The following C8orf34 variants were observed in gnomAD, a reference collection of about 807,000 sequenced individuals.
C8orf34 encodes uncharacterized protein C8orf34.
Under a neutral mutation model 68.3 loss-of-function variants are expected in C8orf34, and 65 were observed. The ratio of observed to expected loss-of-function variants is 0.95; its 90% CI spans 0.78 to 1.17. The LOEUF is 1.17. Among genes scored for constraint, C8orf34 ranks in the 50% most tolerant of loss-of-function variants. The pLI, the probability that C8orf34 is intolerant of heterozygous loss-of-function variation, is 0.00. For missense variants in C8orf34, 664 were observed against 655.4 expected, an observed-to-expected ratio of 1.01 and a Z score of -0.14; for synonymous variants, 244 against 241.2, an observed-to-expected ratio of 1.01 and a Z score of -0.11.
At chr8:68,424,069 T>G (rs1306401057) in intron 1 of C8orf34, among the ~76,000 whole-genome samples, 1 of 151,870 alleles carries the variant, frequency 6.6e-6, no homozygotes, top group African/African-American at 2.4e-5. Flanking sequence ...TGCCCCTGCC[T>G]TCCATGAAAT....
At chr8:68,351,223 A>T (rs963574815) in intron 1 of C8orf34, among the ~76,000 whole-genome samples, 11 of 151,998 alleles carry the variant, frequency 7.2e-5, no homozygotes, top group Admixed American at 1.3e-4. Flanking sequence ...TAAAAACCTT[A>T]GTTTGGCTGG....
At chr8:68,678,377 ATCAT>A (rs1327936977) in intron 8 of C8orf34, among the ~76,000 whole-genome samples, 1 of 152,310 alleles carries the variant, frequency 6.6e-6, no homozygotes, top group East Asian at 1.9e-4. Context: ...CATTAGAAAG[ATCAT>A]TCATCACAAT....
chr8:68,709,210 C>T lies in C8orf34; in HGVS notation c.1327+131C>T, dbSNP rs182081318. ...CTGCAGCTGCACGTCACATATCTAC[C>T]GCTGGCACACTCCTTGGGGCTGTTT... is the stretch of plus-strand genomic sequence containing the variant. On this transcript the variant is annotated intron_variant, in intron 9 of 13. Coordinates refer to ENST00000518698, the MANE Select transcript of C8orf34 (RefSeq NM_052958.4). 2.7e-4 allele frequency: 184 copies of T among 678,140 alleles called. 1 individual carries two copies. The highest frequency in any genetic ancestry group is 2.2e-3 in the Admixed American group (88 of 39,584). The allele number at this position is 678,140 out of a possible 1,614,324, so 42.0% of individuals were successfully genotyped here.
chr8:68,521,738 C>A, intron 5 of C8orf34, 61 bp from the exon 6 acceptor site: 1 of 1,433,656 alleles, frequency 7.0e-7, no homozygotes, highest in Non-Finnish European at 9.4e-7. Flanking sequence ...ACTTTATTTC[C>A]CTGTTGTCCT....
intron 7 of C8orf34, among the ~76,000 whole-genome samples, chr8:68,621,340 G>A (rs1818383451): frequency 6.6e-6 from 1 of 152,176 alleles, no homozygotes; most frequent in Admixed American, 6.5e-5. Context: ...TTGGATCAGA[G>A]ACTCACAAAC....
chr8:68,652,790 T>C (rs2130783486), intron 8 of C8orf34, among the ~76,000 whole-genome samples: 1 of 152,290 alleles, frequency 6.6e-6, no homozygotes, highest in Non-Finnish European at 1.5e-5. Context: ...GAATTAGACA[T>C]TTCTCCAAGG....
chr8:68,558,596 C>T (rs9692797), intron 7 of C8orf34, among the ~76,000 whole-genome samples: 30 of 150,296 alleles, frequency 2.0e-4, no homozygotes, highest in Non-Finnish European at 1.9e-4. Context: ...AGAGATAGGG[C>T]GAGTGGGAAA....
intron 9 of C8orf34, among the ~76,000 whole-genome samples, chr8:68,716,173 G>T (rs1287313564): frequency 6.6e-6 from 1 of 151,956 alleles, no homozygotes; most frequent in Non-Finnish European, 1.5e-5. Flanking sequence ...GGGAAAGGGT[G>T]GGGGTGGTGA....
In C8orf34 at chr8:68,388,354, A is replaced by G. The variant is rs1465678447; in HGVS notation, c.328-51145A>G. Among the ~76,000 whole-genome samples the G allele has an allele frequency of 2.0e-5, 3 of 152,156 alleles. No individual in the cohort carries two copies. The East Asian group carries it at 5.8e-4, about 29-fold the overall frequency. On this transcript the variant is annotated intron_variant, in intron 1 of 13. Coordinates refer to ENST00000518698, the MANE Select transcript of C8orf34 (RefSeq NM_052958.4). ...ACATAGCTTTCCTTCTCTAGAGTTC[A>G]TGAAAATTCTTGCCTGATCACCTCA...
chr8:68,627,271 G>T (rs929490963), intron 7 of C8orf34, among the ~76,000 whole-genome samples: 2 of 151,982 alleles, frequency 1.3e-5, no homozygotes, highest in Non-Finnish European at 2.9e-5. Flanking sequence ...CTCTGTGCTG[G>T]TCTCCTTTCC....
intron 4 of C8orf34, among the ~76,000 whole-genome samples, chr8:68,474,225 A>G (rs1465679849): frequency 1.3e-5 from 2 of 152,060 alleles, no homozygotes; most frequent in Non-Finnish European, 2.9e-5. Context: ...TGTTAAACTC[A>G]ATGTATCTAA....
At chr8:68,462,139 T>A (rs1811863913) in intron 3 of C8orf34, among the ~76,000 whole-genome samples, 1 of 151,792 alleles carries the variant, frequency 6.6e-6, no homozygotes, top group South Asian at 2.1e-4. Context: ...GGGGTTGCAA[T>A]CCTGGTCTCT....
chr8:68,781,700 C>T (rs1050513942), intron 11 of C8orf34, among the ~76,000 whole-genome samples: 1 of 152,070 alleles, frequency 6.6e-6, no homozygotes, highest in East Asian at 1.9e-4. Flanking sequence ...TGAACAGGTG[C>T]GTTATATTAC....
intron 6 of C8orf34, among the ~76,000 whole-genome samples, chr8:68,526,097 A>G (rs1814973863): frequency 6.6e-6 from 1 of 151,344 alleles, no homozygotes; most frequent in Non-Finnish European, 1.5e-5. Context: ...AGCTGGGACT[A>G]CAGGTGTGCC....
rs995139383 is a variant in C8orf34, at chr8:68,347,195, T to C, written c.327+15856T>C. Among the ~76,000 whole-genome samples the C allele has an allele frequency of 2.6e-5, 4 of 152,068 alleles. No homozygotes were observed. In the East Asian group the frequency reaches 5.8e-4, roughly 22 times the overall value. ...GTTCTTATTATTTAGCTCCCACTTATAGATGAGAACATGTGGTATTTGGTT... is the reference window on the plus strand; with the variant it reads ...GTTCTTATTATTTAGCTCCCACTTACAGATGAGAACATGTGGTATTTGGTT... On this transcript the variant is annotated intron_variant, in intron 1 of 13. Coordinates refer to ENST00000518698, the MANE Select transcript of C8orf34 (RefSeq NM_052958.4).
chr8:68,345,309 A>G lies in C8orf34; in HGVS notation c.327+13970A>G, dbSNP rs113173329. On this transcript the variant is annotated intron_variant, in intron 1 of 13. Coordinates refer to ENST00000518698, the MANE Select transcript of C8orf34 (RefSeq NM_052958.4). ...AACAATAGAATTTAAAGTGAGGTAC[A>G]TTGTATTTGTTACAGAGATTTAAAA... Among the ~76,000 whole-genome samples the G allele has an allele frequency of 8.0e-3, 1,211 of 152,092 alleles. 11 individuals are homozygous for G. Among genetic ancestry groups the G allele is most frequent in the African/African-American group, 0.028 (1,171 of 41,568 alleles).
intron 1 of C8orf34, among the ~76,000 whole-genome samples, chr8:68,415,117 G>T (rs1809609017): frequency 1.3e-5 from 2 of 152,134 alleles, no homozygotes; most frequent in Non-Finnish European, 2.9e-5. Flanking sequence ...CCTGGAGACT[G>T]GTTTGTTCAG....
At chr8:68,567,577 CTTT>C (rs1160845483) in intron 7 of C8orf34, among the ~76,000 whole-genome samples, 24 of 29,776 alleles carry the variant, frequency 8.1e-4, no homozygotes, top group African/African-American at 1.8e-3. Flanking sequence ...TTTCATTTAT[CTTT>C]TTTTTTTTTT....
intron 1 of C8orf34, chr8:68,439,078 A>C (rs1810787146): frequency 1.3e-5 from 2 of 152,542 alleles, no homozygotes; most frequent in Admixed American, 1.3e-4. Flanking sequence ...TAAAACATTA[A>C]GAAGAAAAAA....
Sources: allele counts gnomAD v4.1 joint callset (sites outside exome capture counted in the v4.1 genomes callset), GRCh38; gene constraint gnomAD v4.1.1; transcripts MANE v1.5; gene names NCBI Gene and HGNC (gene_info 2026-07-23, HGNC 2026-07-21).